The following CHCHD4 variants were observed in gnomAD, a reference collection of about 807,000 sequenced individuals.
The protein encoded by CHCHD4 is coiled-coil-helix-coiled-coil-helix domain containing 4.
A neutral mutation model predicts 12.4 loss-of-function variants in CHCHD4; 7 were observed. The ratio of observed to expected loss-of-function variants is 0.57; its 90% CI spans 0.32 to 1.06. CHCHD4 has a LOEUF of 1.06. Among genes scored for constraint, CHCHD4 ranks in the 50% least tolerant of loss-of-function variants. The pLI is 0.04. For synonymous variants in CHCHD4, 56 were observed against 58.0 expected (o/e 0.97, Z 0.16); for missense variants, 143 against 175.1 (o/e 0.82, Z 1.03).
chr3:14,114,171 T>C (rs1440949841), intron 2 of CHCHD4, among the ~76,000 whole-genome samples: 2 of 152,190 alleles, frequency 1.3e-5, no homozygotes, highest in African/African-American at 4.8e-5. Context: ...AAACCCCGCC[T>C]GCCTTCAATT....
chr3:14,114,840 C>A (rs1694859620), intron 2 of CHCHD4, among the ~76,000 whole-genome samples: 4 of 152,146 alleles, frequency 2.6e-5, no homozygotes, highest in Admixed American at 2.6e-4. Flanking sequence ...TTACATAAAG[C>A]TCAGATGCAG....
At chr3:14,116,630 T>C in intron 1 of CHCHD4, 106 bp from the exon 2 acceptor site, 1 of 799,086 alleles carries the variant, frequency 1.3e-6, no homozygotes, top group Non-Finnish European at 2.2e-6. Context: ...CTCTCCCATA[T>C]GCCATCCCTA....
chr3:14,116,463 C>T lies in CHCHD4; in HGVS notation c.84G>A (p.Leu28=), dbSNP rs1178602187. The part of the protein sequence containing the change: ...EDHETPSSAE[L]VADDPNDPYE... Reference sequence around the variant, plus strand: ...ATGGATCGTTGGGGTCATCAGCCACCAATTCTGCACTGCTTGGAGTTTCAT... The same window carrying T: ...ATGGATCGTTGGGGTCATCAGCCACTAATTCTGCACTGCTTGGAGTTTCAT... Residue 28 remains leucine, a synonymous_variant, in exon 2 of 3, where the codon TTG becomes TTA. Transcript: ENST00000396914. 1 of 1,613,876 alleles carries T rather than the reference C, an allele frequency of 6.2e-7. No individual in the cohort carries two copies. Among genetic ancestry groups the T allele is most frequent in the Non-Finnish European group, 8.5e-7 (1 of 1,179,780 alleles).
chr3:14,121,912 C>T (rs1694939106), intron 1 of CHCHD4: 3 of 1,614,096 alleles, frequency 1.9e-6, no homozygotes, highest in African/African-American at 2.7e-5. Context: ...TTTAGCTCAA[C>T]AAACCTTCCT....
rs908917365 is a variant in CHCHD4 at position 14,124,842 on chromosome 3, C to G, written c.-166G>C. The G allele has an allele frequency of 1.5e-5, 12 of 774,510 alleles. No individual in the cohort carries two copies. In the Admixed American group the frequency reaches 3.5e-4, roughly 23 times the overall value. 48.0% of individuals were successfully genotyped at this position (774,510 alleles called of 1,614,324 possible). A position where few individuals can be genotyped will look rare whatever the true frequency, so the allele number is the denominator to read the frequency against. On this transcript the variant is annotated 5_prime_UTR_variant, in exon 1 of 3. Coordinates refer to ENST00000396914, the MANE Select transcript of CHCHD4 (RefSeq NM_001098502.2). Reference sequence around the variant, plus strand: ...GCGCCTGCCTCGGCGCCCTCGCAACCGCGGCCAGGCCAACCTCAGCCGGAA... The same window carrying G: ...GCGCCTGCCTCGGCGCCCTCGCAACGGCGGCCAGGCCAACCTCAGCCGGAA...
rs947788556 is a variant in CHCHD4, at chr3:14,113,274, G to C, written c.122-80C>G. 9.9e-6 allele frequency: 12 copies of C among 1,208,560 alleles called. No homozygotes were observed. In the African/African-American group the frequency reaches 1.7e-4, roughly 17 times the overall value. The allele number at this position is 1,208,560 out of a possible 1,614,324, so 74.9% of individuals were successfully genotyped here. Reference sequence around the variant, plus strand: ...GTCCAGTCCTCACAGGCTACTGAGGGGGTGCAGAACAGGAACTATTGTTGC... The same window carrying C: ...GTCCAGTCCTCACAGGCTACTGAGGCGGTGCAGAACAGGAACTATTGTTGC... On this transcript the variant is annotated intron_variant, in intron 2 of 2. Transcript: ENST00000396914.
At chr3:14,114,498 A>C (rs1694856432) in intron 2 of CHCHD4, among the ~76,000 whole-genome samples, 1 of 152,070 alleles carries the variant, frequency 6.6e-6, no homozygotes, top group South Asian at 2.1e-4. Context: ...CTTCCCCTAC[A>C]TCTCACCACT....
chr3:14,115,267 G>GT lies in CHCHD4; in HGVS notation c.121+1158dup, dbSNP rs561783642. 1.8e-4 allele frequency among the ~76,000 whole-genome samples: 27 copies of GT among 147,274 alleles called. 1 individual carries two copies. The East Asian group carries it at 5.1e-3, about 28-fold the overall frequency. On this transcript the variant is annotated intron_variant, in intron 2 of 2. Transcript: ENST00000396914. Reference sequence around the variant, plus strand: ...GATACATTGCAAGTGACAGAAGCAGGTAAAAAAAAACAACAGGGACAGGAA... The same window carrying GT: ...GATACATTGCAAGTGACAGAAGCAGGTTAAAAAAAAACAACAGGGACAGGAA...
chr3:14,113,144 C>T lies in CHCHD4; in HGVS notation c.172G>A (p.Gly58Arg), dbSNP rs1333456730. Residue 58 changes from glycine (G) to arginine (R), a missense_variant, in exon 3 of 3, where the codon GGA (glycine) becomes AGA (arginine). Transcript: ENST00000396914. ...TCTCCACAGGGACCGCTGGCCATTC[C>T]CCCAAGGCATGGGCAGTTCCAGTTA... ...NINWNCPCLG[G>R]MASGPCGEQF... 1 of 1,613,934 alleles carries T rather than the reference C, an allele frequency of 6.2e-7. No individual in the cohort carries two copies. Among genetic ancestry groups the T allele is most frequent in the Admixed American group, 1.7e-5 (1 of 60,004 alleles).
chr3:14,112,767 T>G lies in CHCHD4; in HGVS notation c.*120A>C. On this transcript the variant is annotated 3_prime_UTR_variant, in exon 3 of 3. Transcript: ENST00000396914. ...CAAGACCTCTGATCATCAAAATAAG[T>G]TATTTTGTATATTATAATGCACAGG... The G allele has an allele frequency of 1.1e-6, 1 of 922,810 alleles. No homozygotes were observed. The highest frequency in any genetic ancestry group is 1.6e-6 in the Non-Finnish European group (1 of 621,818). 57.2% of individuals were successfully genotyped at this position (922,810 alleles called of 1,614,324 possible). A position where few individuals can be genotyped will look rare whatever the true frequency, so the allele number is the denominator to read the frequency against.
At chr3:14,123,138 A>T (rs552590150) in intron 1 of CHCHD4, among the ~76,000 whole-genome samples, 1 of 150,086 alleles carries the variant, frequency 6.7e-6, no homozygotes, top group South Asian at 2.1e-4. Flanking sequence ...TTCAATTCTC[A>T]CTCCTCTCCG....
intron 1 of CHCHD4, among the ~76,000 whole-genome samples, chr3:14,117,755 A>G (rs1264566615): frequency 3.3e-5 from 5 of 152,200 alleles, no homozygotes; most frequent in Non-Finnish European, 5.9e-5. Context: ...GGGAGGTAGC[A>G]GCATCCCCTT....
At chr3:14,117,770 T>C (rs1045593706) in intron 1 of CHCHD4, among the ~76,000 whole-genome samples, 4 of 152,160 alleles carry the variant, frequency 2.6e-5, no homozygotes, top group Non-Finnish European at 5.9e-5. Flanking sequence ...CCCCTTTTAA[T>C]GGTGGTGAGC....
At chr3:14,123,314 G>A (rs568525315) in intron 1 of CHCHD4, among the ~76,000 whole-genome samples, 23 of 152,142 alleles carry the variant, frequency 1.5e-4, no homozygotes, top group Non-Finnish European at 3.1e-4. Context: ...AAAATTATTT[G>A]CTAAATGAAG....
At chr3:14,123,104 A>C (rs927571325) in intron 1 of CHCHD4, among the ~76,000 whole-genome samples, 4 of 152,174 alleles carry the variant, frequency 2.6e-5, no homozygotes, top group African/African-American at 9.7e-5. Flanking sequence ...GATAAATACT[A>C]AGGAAGGCCT....
At chr3:14,114,911 G>A (rs888176435) in intron 2 of CHCHD4, among the ~76,000 whole-genome samples, 4 of 152,096 alleles carry the variant, frequency 2.6e-5, no homozygotes, top group Admixed American at 6.5e-5. Context: ...GTCAGTCTCC[G>A]CCCCCGCCCA....
chr3:14,114,014 C>T (rs561571967), intron 2 of CHCHD4, among the ~76,000 whole-genome samples: 4 of 152,250 alleles, frequency 2.6e-5, no homozygotes, highest in East Asian at 1.9e-4. Context: ...ATGATTCATA[C>T]AGAAGTTTCT....
intron 1 of CHCHD4, among the ~76,000 whole-genome samples, chr3:14,116,907 G>A (rs889721784): frequency 6.6e-6 from 1 of 152,212 alleles, no homozygotes; most frequent in Non-Finnish European, 1.5e-5. Flanking sequence ...GAGGACACAG[G>A]TGGTCTGAGA....
chr3:14,122,579 G>A (rs1694946981), intron 1 of CHCHD4, among the ~76,000 whole-genome samples: 1 of 152,216 alleles, frequency 6.6e-6, no homozygotes, highest in Non-Finnish European at 1.5e-5. Context: ...GTGGACCCCT[G>A]AAATAAACTT....
Sources: gnomAD v4.1 joint callset for allele counts (sites outside exome capture counted in the v4.1 genomes callset) on GRCh38, gnomAD v4.1.1 for gene constraint, MANE v1.5 for transcripts, NCBI Gene and HGNC (gene_info 2026-07-23, HGNC 2026-07-21) for gene names.